TRPS1: variants seen among roughly 807,000 people sequenced by gnomAD.
The protein encoded by TRPS1 is transcriptional repressor GATA binding 1, also known as zinc finger transcription factor Trps1.
In TRPS1, 6 loss-of-function variants were observed where a neutral mutation model predicts 101.2. That is an observed-to-expected ratio of 0.06 (90% CI 0.03 to 0.12). TRPS1 has a LOEUF of 0.12. TRPS1 is among the 10% of genes least tolerant of loss of function. TRPS1 has a pLI of 1.00. For missense variants in TRPS1, 1,363 were observed against 1,567.0 expected (o/e 0.87, Z 2.20); for synonymous variants, 578 against 589.8 (o/e 0.98, Z 0.29).
chr8:115,603,918 C>T lies in TRPS1; in HGVS notation c.2051G>A (p.Cys684Tyr). 1.9e-6 allele frequency: 3 copies of T among 1,613,996 alleles called. No homozygotes were observed. The highest frequency in any genetic ancestry group is 2.5e-6 in the Non-Finnish European group (3 of 1,179,952). The change falls in exon 4 of 7, where the codon TGT becomes TAT. Residue 684 changes from cysteine (C) to tyrosine (Y), a missense_variant. Transcript: ENST00000395715. ...KESKEHSCTKCDFITQVEEEI... is the reference protein window; with the variant it reads ...KESKEHSCTKYDFITQVEEEI... Reference sequence around the variant, plus strand: ...TTCTTCCACTTGGGTAATAAAATCACATTTGGTACATGAGTGTTCTTTGCT... The same window carrying T: ...TTCTTCCACTTGGGTAATAAAATCATATTTGGTACATGAGTGTTCTTTGCT...
At chr8:115,660,094 T>C (rs1309696825) in intron 1 of TRPS1, among the ~76,000 whole-genome samples, 1 of 151,976 alleles carries the variant, frequency 6.6e-6, no homozygotes. Flanking sequence ...CCTTTGTACA[T>C]GAAGTGTATC....
chr8:115,444,408 A>G (rs1813681027), intron 5 of TRPS1, among the ~76,000 whole-genome samples: 1 of 152,256 alleles, frequency 6.6e-6, no homozygotes, highest in Non-Finnish European at 1.5e-5. Flanking sequence ...AAATAAATGA[A>G]GAGTGAATCC....
intron 4 of TRPS1, among the ~76,000 whole-genome samples, chr8:115,588,106 C>T (rs1320142811): frequency 6.6e-6 from 1 of 152,158 alleles, no homozygotes; most frequent in Non-Finnish European, 1.5e-5. Flanking sequence ...ATTTTTCCCC[C>T]TGTAGATACA....
intron 3 of TRPS1, among the ~76,000 whole-genome samples, chr8:115,608,339 C>A (rs1021240551): frequency 1.3e-5 from 2 of 152,166 alleles, no homozygotes; most frequent in African/African-American, 4.8e-5. Flanking sequence ...ATTTATCCCT[C>A]TAATTAGTAG....
intron 5 of TRPS1, among the ~76,000 whole-genome samples, chr8:115,506,298 C>T (rs1489442448): frequency 1.3e-5 from 2 of 151,866 alleles, no homozygotes; most frequent in South Asian, 2.1e-4. Flanking sequence ...TATCAAGAGG[C>T]TCAGCAAATT....
At chr8:115,571,367 T>C (rs1386999060) in intron 5 of TRPS1, among the ~76,000 whole-genome samples, 1 of 152,162 alleles carries the variant, frequency 6.6e-6, no homozygotes, top group Non-Finnish European at 1.5e-5. Flanking sequence ...AAACTTTTAA[T>C]AAGCATATTT....
intron 5 of TRPS1, among the ~76,000 whole-genome samples, chr8:115,535,524 C>CAT (rs1027023281): frequency 1.8e-4 from 26 of 147,752 alleles, no homozygotes; most frequent in Non-Finnish European, 3.7e-4. Flanking sequence ...ATATATAGCG[C>CAT]ATATATAGCG....
At chr8:115,584,581 T>C (rs974626702) in intron 5 of TRPS1, among the ~76,000 whole-genome samples, 3 of 152,024 alleles carry the variant, frequency 2.0e-5, no homozygotes, top group South Asian at 2.1e-4. Flanking sequence ...TATAAACTTA[T>C]AGTACTTTTT....
intron 5 of TRPS1, among the ~76,000 whole-genome samples, chr8:115,546,350 A>G (rs1239152454): frequency 2.0e-5 from 3 of 152,084 alleles, no homozygotes; most frequent in Non-Finnish European, 1.5e-5. Context: ...CATCGTACTA[A>G]TAGGTGACTT....
chr8:115,535,313 T>TAGAGCATATATATAGCATATAG (rs375184672), intron 5 of TRPS1, among the ~76,000 whole-genome samples: 5 of 55,584 alleles, frequency 9.0e-5, no homozygotes, highest in Admixed American at 6.3e-4. Context: ...ATAGCATATA[T>TAGAGCATATATATAGCATATAG]AGCATATATA....
chr8:115,550,320 T>C (rs2130336850), intron 5 of TRPS1, among the ~76,000 whole-genome samples: 1 of 152,318 alleles, frequency 6.6e-6, no homozygotes, highest in South Asian at 2.1e-4. Context: ...CTGTGGGCTA[T>C]GATGCCAAAG....
intron 1 of TRPS1, among the ~76,000 whole-genome samples, chr8:115,666,368 C>T (rs1029182456): frequency 1.3e-5 from 2 of 151,770 alleles, no homozygotes; most frequent in African/African-American, 4.8e-5. Flanking sequence ...TTCATCTTCC[C>T]ATACAAACCC....
At chr8:115,615,884 T>G (rs555492722) in intron 3 of TRPS1, among the ~76,000 whole-genome samples, 27 of 152,372 alleles carry the variant, frequency 1.8e-4, no homozygotes, top group African/African-American at 6.5e-4. Context: ...AAATATTACA[T>G]GAAAAGCTAA....
chr8:115,539,186 G>A (rs141203427), intron 5 of TRPS1, among the ~76,000 whole-genome samples: 4 of 152,268 alleles, frequency 2.6e-5, no homozygotes, highest in Non-Finnish European at 4.4e-5. Context: ...CCCTTCCCTA[G>A]GCTAGTGCAG....
chr8:115,518,667 T>C (rs1007477593), intron 5 of TRPS1, among the ~76,000 whole-genome samples: 1 of 151,824 alleles, frequency 6.6e-6, no homozygotes, highest in African/African-American at 2.4e-5. Flanking sequence ...GATGTTAGTG[T>C]AAATGGAGAA....
chr8:115,471,698 AAAGC>A (rs1234745309), intron 5 of TRPS1, among the ~76,000 whole-genome samples: 1 of 152,214 alleles, frequency 6.6e-6, no homozygotes, highest in East Asian at 1.9e-4. Context: ...TGTAAAATCA[AAAGC>A]AAGCTAGTTA....
intron 4 of TRPS1, among the ~76,000 whole-genome samples, chr8:115,600,789 C>G (rs1183088655): frequency 6.6e-6 from 1 of 151,780 alleles, no homozygotes; most frequent in Admixed American, 6.6e-5. Context: ...AGTTATAACA[C>G]TGAAAATTTT....
chr8:115,543,438 A>T (rs1016224342), intron 5 of TRPS1, among the ~76,000 whole-genome samples: 4 of 151,810 alleles, frequency 2.6e-5, no homozygotes, highest in African/African-American at 4.8e-5. Flanking sequence ...TTTTTTTTAA[A>T]TTTTTTTTGC....
At chr8:115,449,901 A>G (rs915601572) in intron 5 of TRPS1, among the ~76,000 whole-genome samples, 1 of 151,746 alleles carries the variant, frequency 6.6e-6, no homozygotes, top group South Asian at 2.1e-4. Flanking sequence ...TTCACACATA[A>G]CACTTTAAAA....
Sources: allele counts gnomAD v4.1 joint callset (sites outside exome capture counted in the v4.1 genomes callset), GRCh38; gene constraint gnomAD v4.1.1; transcripts MANE v1.5; gene names NCBI Gene and HGNC (gene_info 2026-07-23, HGNC 2026-07-21).